AGMO: variants seen among roughly 807,000 people sequenced by gnomAD.
The protein encoded by AGMO is glyceryl-ether monooxygenase.
A neutral mutation model predicts 60.2 loss-of-function variants in AGMO; 75 were observed. The observed-to-expected ratio is 1.25, with a 90% CI of 1.03 to 1.51. The LOEUF is 1.51. Ranked by LOEUF, AGMO falls within the 40% of genes most tolerant of loss-of-function variation. The probability of loss-of-function intolerance (pLI) is 0.00; values close to 1 mark genes in which losing one functional copy is unlikely to be tolerated. For missense variants in AGMO, 763 were observed against 525.5 expected (o/e 1.45, Z -4.42); for synonymous variants, 261 against 177.1 (o/e 1.47, Z -3.76).
At chr7:15,510,350 T>C (rs957314917) in intron 3 of AGMO, among the ~76,000 whole-genome samples, 2 of 151,752 alleles carry the variant, frequency 1.3e-5, no homozygotes, top group Non-Finnish European at 2.9e-5. Flanking sequence ...TTGTTTTGTT[T>C]TGTTTTTAGT....
intron 12 of AGMO, among the ~76,000 whole-genome samples, chr7:15,225,456 T>C (rs181185759): frequency 2.0e-5 from 3 of 152,026 alleles, no homozygotes; most frequent in African/African-American, 4.8e-5. Context: ...AATTATAGTA[T>C]AATTTTAATT....
chr7:15,430,629 T>C (rs1246678654), intron 4 of AGMO, among the ~76,000 whole-genome samples: 2 of 106,892 alleles, frequency 1.9e-5, no homozygotes, highest in Non-Finnish European at 4.1e-5. Context: ...CTGGTTTTTT[T>C]TAAAAAAAAA....
intron 12 of AGMO, among the ~76,000 whole-genome samples, chr7:15,330,708 C>T (rs979843319): frequency 1.2e-4 from 19 of 152,066 alleles, no homozygotes; most frequent in African/African-American, 4.3e-4. Flanking sequence ...ATTTTAGTTG[C>T]TAATATCAGG....
chr7:15,151,881 C>G, the AGMO span, among the ~76,000 whole-genome samples: 1 of 152,166 alleles, frequency 6.6e-6, no homozygotes, highest in Non-Finnish European at 1.5e-5. Flanking sequence ...TTTCAATGAT[C>G]TATCTAACAC....
the AGMO span, among the ~76,000 whole-genome samples, chr7:15,177,367 T>C: frequency 1.3e-5 from 2 of 152,138 alleles, no homozygotes; most frequent in African/African-American, 4.8e-5. Flanking sequence ...TTATCAAAGA[T>C]ACACTGTTTC....
chr7:15,452,339 G>T (rs375848934), intron 3 of AGMO, among the ~76,000 whole-genome samples: 1 of 152,032 alleles, frequency 6.6e-6, no homozygotes, highest in African/African-American at 2.4e-5. Context: ...TAAAATATCT[G>T]ATAAAGGTCT....
At chr7:15,559,092 T>C (rs564196887) in intron 2 of AGMO, among the ~76,000 whole-genome samples, 1 of 152,290 alleles carries the variant, frequency 6.6e-6, no homozygotes, top group Admixed American at 6.5e-5. Flanking sequence ...CATTATAATG[T>C]ACTCTTTCTA....
At chr7:15,497,950 A>G (rs1448440270) in intron 3 of AGMO, among the ~76,000 whole-genome samples, 1 of 152,038 alleles carries the variant, frequency 6.6e-6, no homozygotes, top group African/African-American at 2.4e-5. Flanking sequence ...TTTTATGGGC[A>G]TCATATCATG....
At chr7:15,557,596 AT>A (rs530682271) in intron 2 of AGMO, among the ~76,000 whole-genome samples, 3 of 150,086 alleles carry the variant, frequency 2.0e-5, no homozygotes, top group Non-Finnish European at 3.0e-5. Context: ...TGGGTTTGGG[AT>A]TTTTTTTTAA....
intron 12 of AGMO, among the ~76,000 whole-genome samples, chr7:15,303,051 AT>A: frequency 6.6e-6 from 1 of 152,270 alleles, no homozygotes; most frequent in Non-Finnish European, 1.5e-5. Context: ...AGGAGGAACA[AT>A]CCACACAGGG....
chr7:15,382,131 A>G (rs1454030008), intron 10 of AGMO, among the ~76,000 whole-genome samples: 1 of 152,148 alleles, frequency 6.6e-6, no homozygotes, highest in Non-Finnish European at 1.5e-5. Context: ...AAGTTTACCT[A>G]TGTAACAAAA....
intron 4 of AGMO, among the ~76,000 whole-genome samples, chr7:15,427,524 C>T (rs940911509): frequency 7.2e-5 from 11 of 152,086 alleles, no homozygotes; most frequent in African/African-American, 2.7e-4. Flanking sequence ...GAGTTCCATC[C>T]AGATGAAGAA....
intron 10 of AGMO, among the ~76,000 whole-genome samples, chr7:15,366,513 ATG>A (rs1782986736): frequency 6.6e-6 from 1 of 152,070 alleles, no homozygotes; most frequent in Non-Finnish European, 1.5e-5. Flanking sequence ...TTTTTGAAGC[ATG>A]TGAGTCCCCA....
chr7:15,299,859 A>G (rs1387981514), intron 12 of AGMO, among the ~76,000 whole-genome samples: 3 of 150,786 alleles, frequency 2.0e-5, no homozygotes, highest in Non-Finnish European at 4.4e-5. Context: ...ACACACACAC[A>G]CACACACACA....
At chr7:15,553,820 C>T (rs766349248) in intron 2 of AGMO, among the ~76,000 whole-genome samples, 1 of 151,994 alleles carries the variant, frequency 6.6e-6, no homozygotes, top group Non-Finnish European at 1.5e-5. Context: ...TTTATTACTC[C>T]GTCAACTGAC....
chr7:15,513,130 T>A (rs960204445), intron 3 of AGMO, among the ~76,000 whole-genome samples: 3 of 152,178 alleles, frequency 2.0e-5, no homozygotes, highest in Non-Finnish European at 4.4e-5. Context: ...TTTCTTTTGT[T>A]TTTGCTGATT....
chr7:15,265,806 C>T (rs1033083041), intron 12 of AGMO, among the ~76,000 whole-genome samples: 3 of 151,968 alleles, frequency 2.0e-5, no homozygotes, highest in African/African-American at 2.4e-5. Flanking sequence ...AATTGAAAGC[C>T]ATGTCTTGAA....
rs1251935833 is a variant in AGMO, at chr7:15,336,418, C to G, written c.1263+29096G>C. On this transcript the variant is annotated intron_variant, in intron 12 of 12. Coordinates refer to ENST00000342526, the MANE Select transcript of AGMO (RefSeq NM_001004320.2). ...TATAAAATCGGTTGACTCAATATGG[C>G]AAAAAAAAAAGAAAAAAAAACACCA... 4.3e-5 allele frequency among the ~76,000 whole-genome samples: 6 copies of G among 140,608 alleles called. No homozygotes were observed. In the East Asian group the frequency reaches 1.2e-3, roughly 29 times the overall value. The allele number at this position is 140,608 out of a possible 152,430, so 92.2% of individuals were successfully genotyped here.
intron 5 of AGMO, among the ~76,000 whole-genome samples, chr7:15,395,401 AT>A (rs1419856463): frequency 2.0e-5 from 3 of 152,226 alleles, no homozygotes; most frequent in Admixed American, 2.0e-4. Context: ...TTAGATATCG[AT>A]TTGAACAAAC....
Sources: gnomAD v4.1 joint callset for allele counts (sites outside exome capture counted in the v4.1 genomes callset) on GRCh38, gnomAD v4.1.1 for gene constraint, MANE v1.5 for transcripts, NCBI Gene and HGNC (gene_info 2026-07-23, HGNC 2026-07-21) for gene names.